ZNF503: variants seen among roughly 807,000 people sequenced by gnomAD.
The protein encoded by ZNF503 is NocA-like zinc finger 2.
A neutral mutation model predicts 34.4 loss-of-function variants in ZNF503; 15 were observed. The ratio of observed to expected loss-of-function variants is 0.44; its 90% CI spans 0.29 to 0.67. The LOEUF is 0.67. Ranked by LOEUF, ZNF503 falls within the 30% of genes least tolerant of loss-of-function variation. The pLI, the probability that ZNF503 is intolerant of heterozygous loss-of-function variation, is 0.13. For synonymous variants in ZNF503, 580 were observed against 456.8 expected (o/e 1.27, Z -3.44); for missense variants, 1,007 against 926.8 (o/e 1.09, Z -1.12).
chr10:75,401,252 A>T lies in ZNF503; in HGVS notation c.168T>A (p.Phe56Leu). 2 of 1,605,824 alleles carry T rather than the reference A, an allele frequency of 1.2e-6. No individual in the cohort carries two copies. Residue 56 changes from phenylalanine to leucine, a missense_variant, in exon 1 of 2, where the codon TTT (phenylalanine) becomes TTA (leucine). Transcript: ENST00000372524. ...GSSPAGSTKP[F>L]VHAVPPSDPL... is the part of the protein sequence containing the mutation. ...GGTCAGAGGGGGGCACGGCGTGCAC[A>T]AAAGGCTTGGTGCTGCCGGCCGGGG...
At chr10:75,322,127 A>ATTT in the ZNF503 span, among the ~76,000 whole-genome samples, 1,460 of 140,154 alleles carry the variant, frequency 0.01, 43 homozygotes, top group African/African-American at 0.036. Context: ...ACCACCACCA[A>ATTT]TTTTTTTTTT....
chr10:75,337,573 G>A, the ZNF503 span, among the ~76,000 whole-genome samples: 6 of 151,698 alleles, frequency 4.0e-5, no homozygotes, highest in African/African-American at 9.7e-5. Context: ...AGCCAAGATC[G>A]TGCCACTGCC....
Position 75,401,483 on chromosome 10 carries a change from G to GGCTGCGC in ZNF503, c.-71_-65dup, listed in dbSNP as rs1843821512. On this transcript the variant is annotated 5_prime_UTR_variant, in exon 1 of 2. Transcript: ENST00000372524. ...TCCGGGAGGCGCGGGGCGGGCTCGG[G>GGCTGCGC]GCTGCGCGCTCGCCCCGGGAGCAGG... 1 of 1,477,922 alleles carries GGCTGCGC rather than the reference G, an allele frequency of 6.8e-7. No individual in the cohort carries two copies. Among genetic ancestry groups the GGCTGCGC allele is most frequent in the Admixed American group, 2.4e-5 (1 of 41,088 alleles). 91.6% of individuals were successfully genotyped at this position (1,477,922 alleles called of 1,614,324 possible).
At chr10:75,328,671 C>G in the ZNF503 span, among the ~76,000 whole-genome samples, 1 of 150,770 alleles carries the variant, frequency 6.6e-6, no homozygotes, top group Non-Finnish European at 1.5e-5. Flanking sequence ...TGCATTAAAT[C>G]TGTAGATTGC....
chr10:75,296,075 C>T, the ZNF503 span, among the ~76,000 whole-genome samples: 6 of 152,330 alleles, frequency 3.9e-5, no homozygotes, highest in Admixed American at 3.9e-4. Flanking sequence ...TGTTAACAAA[C>T]CTAATTATAG....
chr10:75,290,087 A>C, the ZNF503 span, among the ~76,000 whole-genome samples: 1 of 152,174 alleles, frequency 6.6e-6, no homozygotes, highest in Non-Finnish European at 1.5e-5. Context: ...CTGGAAGTGG[A>C]ACCGTGCAGA....
At chr10:75,328,156 C>T in the ZNF503 span, among the ~76,000 whole-genome samples, 1 of 152,082 alleles carries the variant, frequency 6.6e-6, no homozygotes, top group East Asian at 1.9e-4. Context: ...GAGGTCTTCT[C>T]CATAAAAACT....
chr10:75,288,038 G>A, the ZNF503 span, among the ~76,000 whole-genome samples: 1 of 152,214 alleles, frequency 6.6e-6, no homozygotes, highest in East Asian at 1.9e-4. Flanking sequence ...TGCAGGTGGA[G>A]ATGGATGGCT....
chr10:75,329,419 C>CTTCCTTCCT, the ZNF503 span, among the ~76,000 whole-genome samples: 350 of 71,098 alleles, frequency 4.9e-3, 2 homozygotes, highest in African/African-American at 0.014. Flanking sequence ...CCTTCCTTTC[C>CTTCCTTCCT]TTCCTTCCTT....
At chr10:75,386,018 C>T in the ZNF503 span, among the ~76,000 whole-genome samples, 1 of 152,200 alleles carries the variant, frequency 6.6e-6, no homozygotes, top group South Asian at 2.1e-4. Context: ...CCAAAGCCTG[C>T]TCTCCCTCTA....
Position 75,398,668 on chromosome 10 carries a change from C to T in ZNF503, c.*81G>A, listed in dbSNP as rs1843734447. On this transcript the variant is annotated 3_prime_UTR_variant, in exon 2 of 2. Coordinates refer to ENST00000372524, the MANE Select transcript of ZNF503 (RefSeq NM_032772.6). ...CCTCCCCACGCGCGGGTGTCAGCAG[C>T]CTGGGCCGTGATCCCGCCTCTCCCT... The T allele has an allele frequency of 2.4e-6, 3 of 1,263,272 alleles. No individual in the cohort carries two copies. Among genetic ancestry groups the T allele is most frequent in the Non-Finnish European group, 3.0e-6 (3 of 995,000 alleles). 78.3% of individuals were successfully genotyped at this position (1,263,272 alleles called of 1,614,324 possible).
chr10:75,317,264 CTTTTTTTTTTTTTTTTTT>C, the ZNF503 span, among the ~76,000 whole-genome samples: 13 of 74,724 alleles, frequency 1.7e-4, 1 homozygote, highest in African/African-American at 6.5e-4. Context: ...CATCCCACGT[CTTTTTTTTTTTTTTTTTT>C]TTTTTTTTTT....
chr10:75,320,675 A>T, the ZNF503 span, among the ~76,000 whole-genome samples: 3 of 152,246 alleles, frequency 2.0e-5, no homozygotes, highest in East Asian at 5.8e-4. Flanking sequence ...AGAAAAGATA[A>T]GAAAAAGAAT....
At chr10:75,377,594 G>A in the ZNF503 span, among the ~76,000 whole-genome samples, 3 of 152,132 alleles carry the variant, frequency 2.0e-5, no homozygotes, top group African/African-American at 7.2e-5. Flanking sequence ...CATCAAGAGA[G>A]GTGCCTCTAT....
the ZNF503 span, among the ~76,000 whole-genome samples, chr10:75,385,884 A>G: frequency 6.6e-6 from 1 of 152,060 alleles, no homozygotes; most frequent in South Asian, 2.1e-4. Flanking sequence ...CTCCTTGGGT[A>G]CACATCACTC....
chr10:75,344,928 C>T, the ZNF503 span, among the ~76,000 whole-genome samples: 1 of 152,170 alleles, frequency 6.6e-6, no homozygotes, highest in Non-Finnish European at 1.5e-5. Context: ...ACGTCTTTGT[C>T]CTTTAAAGTC....
At chr10:75,317,264 C>CTT in the ZNF503 span, among the ~76,000 whole-genome samples, 347 of 74,758 alleles carry the variant, frequency 4.6e-3, 15 homozygotes, top group East Asian at 9.8e-3. Context: ...CATCCCACGT[C>CTT]TTTTTTTTTT....
chr10:75,289,893 GT>G, the ZNF503 span, among the ~76,000 whole-genome samples: 38 of 152,138 alleles, frequency 2.5e-4, no homozygotes, highest in Non-Finnish European at 3.4e-4. Context: ...GTACAGCTCA[GT>G]GTTATTAAAC....
chr10:75,334,249 C>A, the ZNF503 span, among the ~76,000 whole-genome samples: 24 of 152,230 alleles, frequency 1.6e-4, no homozygotes, highest in Non-Finnish European at 3.4e-4. Context: ...GCCTCCCGGG[C>A]GGCCTAAATT....
Sources: allele counts gnomAD v4.1 joint callset (sites outside exome capture counted in the v4.1 genomes callset), GRCh38; gene constraint gnomAD v4.1.1; transcripts MANE v1.5; gene names NCBI Gene and HGNC (gene_info 2026-07-23, HGNC 2026-07-21).